Variants in RNF38 observed in about 807,000 individuals in gnomAD.
The protein encoded by RNF38 is E3 ubiquitin-protein ligase RNF38.
In RNF38, 15 loss-of-function variants were observed where a neutral mutation model predicts 67.2. The ratio of observed to expected loss-of-function variants is 0.22; its 90% CI spans 0.15 to 0.34. The LOEUF (loss-of-function observed/expected upper bound fraction) is 0.34. Among genes scored for constraint, RNF38 ranks in the 10% least tolerant of loss-of-function variants. The probability of loss-of-function intolerance (pLI) is 1.00; values close to 1 mark genes in which losing one functional copy is unlikely to be tolerated. For synonymous variants in RNF38, 220 were observed against 218.8 expected (o/e 1.01, Z -0.05); for missense variants, 524 against 639.9 (o/e 0.82, Z 1.95).
At position 36,424,556 on chromosome 9, in the gene RNF38, C is replaced by T. The variant is rs1838721489; in HGVS notation, n.312+57G>A. The T allele has an allele frequency of 4.0e-6, 3 of 751,022 alleles. No homozygotes were observed. In the South Asian group the frequency reaches 1.8e-4, roughly 45 times the overall value. 46.5% of individuals were successfully genotyped at this position (751,022 alleles called of 1,614,324 possible). On this transcript the variant is annotated intron_variant and non_coding_transcript_variant, in intron 2 of 3. Coordinates refer to the RNF38 transcript ENST00000488058. ...AGGCCCAGAGTTACGCAAGAGAATC[C>T]AGCAACGTAAGGTTGGCATGCATTT...
At chr9:36,348,295 T>C (rs531090459) in intron 9 of RNF38, among the ~76,000 whole-genome samples, 4 of 150,376 alleles carry the variant, frequency 2.7e-5, no homozygotes, top group African/African-American at 4.9e-5. Flanking sequence ...ACCTTATCTC[T>C]GAAAGAAAAA....
chr9:36,395,126 GCATCAA>G (rs1837419305), intron 1 of RNF38, among the ~76,000 whole-genome samples: 1 of 152,148 alleles, frequency 6.6e-6, no homozygotes, highest in South Asian at 2.1e-4. Context: ...AACCTTTTAA[GCATCAA>G]CACTACTATT....
chr9:36,426,594 T>C (rs1838777607), intron 1 of RNF38, among the ~76,000 whole-genome samples: 1 of 152,248 alleles, frequency 6.6e-6, no homozygotes, highest in South Asian at 2.1e-4. Context: ...TTGACATCCA[T>C]TTATAAGTTT....
At chr9:36,391,299 T>C (rs1837062253) in intron 1 of RNF38, among the ~76,000 whole-genome samples, 1 of 152,132 alleles carries the variant, frequency 6.6e-6, no homozygotes. Flanking sequence ...CCCAGTTATC[T>C]ACAAAAATTA....
upstream of RNF38, chr9:36,487,601 C>CGGCGCGGCA (rs1284090701): frequency 3.1e-6 from 3 of 980,148 alleles, no homozygotes; most frequent in African/African-American, 1.8e-5. Flanking sequence ...GACTCGACTC[C>CGGCGCGGCA]GGCGCGGCAG....
At chr9:36,431,079 A>C (rs1458076346) in intron 1 of RNF38, among the ~76,000 whole-genome samples, 1 of 152,198 alleles carries the variant, frequency 6.6e-6, no homozygotes, top group African/African-American at 2.4e-5. Flanking sequence ...TCCTCAGGCT[A>C]ACCACAACTT....
intron 2 of RNF38, among the ~76,000 whole-genome samples, chr9:36,381,383 ACACCTCATTTTATCTCT>A (rs1325043640): frequency 2.6e-5 from 4 of 152,296 alleles, no homozygotes; most frequent in Admixed American, 2.6e-4. Flanking sequence ...AAGACTAGAT[ACACCTCATTTTATCTCT>A]CCATCCCCTG....
intron 2 of RNF38, among the ~76,000 whole-genome samples, chr9:36,417,975 T>C (rs1299943094): frequency 6.6e-6 from 1 of 152,106 alleles, no homozygotes; most frequent in Admixed American, 6.5e-5. Flanking sequence ...CTGTTAATAC[T>C]GAAATTCCAA....
At chr9:36,397,756 A>G (rs1837647669) in intron 1 of RNF38, among the ~76,000 whole-genome samples, 1 of 152,054 alleles carries the variant, frequency 6.6e-6, no homozygotes, top group Non-Finnish European at 1.5e-5. Flanking sequence ...GGTAGGAAAA[A>G]TAAGAGTTAC....
At chr9:36,473,080 C>CA (rs1228433471) in intron 1 of RNF38, among the ~76,000 whole-genome samples, 1 of 151,330 alleles carries the variant, frequency 6.6e-6, no homozygotes, top group East Asian at 2.0e-4. Context: ...TGCAGTGAGC[C>CA]AAGATCACGC....
chr9:36,388,816 C>T (rs1836843088), intron 2 of RNF38, among the ~76,000 whole-genome samples: 1 of 152,034 alleles, frequency 6.6e-6, no homozygotes, highest in South Asian at 2.1e-4. Context: ...AGAGAAGGTA[C>T]TTGAGGAGAA....
At chr9:36,416,742 A>AT (rs386414907) in intron 2 of RNF38, among the ~76,000 whole-genome samples, 2,880 of 63,374 alleles carry the variant, frequency 0.045, 758 homozygotes, top group Middle Eastern at 0.098. Context: ...CTGCCTCGAT[A>AT]TTTTTTTTTT....
chr9:36,426,478 C>CA (rs1448322004), intron 1 of RNF38, among the ~76,000 whole-genome samples: 2 of 152,196 alleles, frequency 1.3e-5, no homozygotes, highest in Non-Finnish European at 2.9e-5. Context: ...GGTTCATCCA[C>CA]ACTGAACCGC....
rs1051429349 is a variant in RNF38, at chr9:36,400,175, A to G, written c.-67T>C. On this transcript the variant is annotated 5_prime_UTR_variant, in exon 1 of 12. Coordinates refer to ENST00000259605, the MANE Select transcript of RNF38 (RefSeq NM_022781.5). The stretch of plus-strand genomic sequence containing the variant: ...AACCTGAAACACTCCCGTTTCAAAA[A>G]CCAACCTCTCTCACGCTTCAACCCT... 1 of 1,595,998 alleles carries G rather than the reference A, an allele frequency of 6.3e-7. No homozygotes were observed. Among genetic ancestry groups the G allele is most frequent in the African/African-American group, 1.4e-5 (1 of 73,958 alleles).
Position 36,390,553 on chromosome 9 carries a change from C to T in RNF38, c.76G>A (p.Val26Met). 2 of 1,614,048 alleles carry T rather than the reference C, an allele frequency of 1.2e-6. No homozygotes were observed. Among genetic ancestry groups the T allele is most frequent in the Non-Finnish European group, 1.7e-6 (2 of 1,179,966 alleles). ...GHPNKVICERVRLQSLFPLLP... is the reference protein window; with the variant it reads ...GHPNKVICERMRLQSLFPLLP... ...AGAGGGAACAGGCTCTGAAGTCTCA[C>T]CCTTTCACAAATCACCTTGTTAGGA... Residue 26 changes from valine (V) to methionine (M), a missense_variant, in exon 2 of 12, where the codon GTG (valine) becomes ATG (methionine). This residue lies in a region of RNF38 where 461 missense variants were observed against 517.4 expected (regional missense o/e 0.89). Coordinates refer to ENST00000259605, the MANE Select transcript of RNF38 (RefSeq NM_022781.5).
At position 36,336,721 on chromosome 9, in the gene RNF38, A is replaced by G. The variant is rs2133262297; in HGVS notation, c.*3031T>C. The G allele has an allele frequency of 6.5e-6, 1 of 152,750 alleles. No individual in the cohort carries two copies. The highest frequency in any genetic ancestry group is 6.5e-5 in the Admixed American group (1 of 15,286). The allele number at this position is 152,750 out of a possible 1,614,324, so 9.5% of individuals were successfully genotyped here. On this transcript the variant is annotated 3_prime_UTR_variant, in exon 12 of 12. Transcript: ENST00000259605. ...CAAAATGAGGTAACCAAATGTACCA[A>G]CAGGGGGACAAACAAACAGCTTTCT...
intron 2 of RNF38, among the ~76,000 whole-genome samples, chr9:36,377,369 T>TAGA (rs1383102379): frequency 6.6e-6 from 1 of 152,212 alleles, no homozygotes; most frequent in Non-Finnish European, 1.5e-5. Flanking sequence ...AAATTAGTGT[T>TAGA]AGATTTTAAA....
At chr9:36,400,420 C>T, upstream of RNF38, 1 of 1,114,440 alleles carries the variant, frequency 9.0e-7, no homozygotes, top group Non-Finnish European at 1.1e-6. Flanking sequence ...GCCTCCTCGC[C>T]ACCGCGGGAA....
At chr9:36,361,178 A>C (rs186839825) in intron 4 of RNF38, among the ~76,000 whole-genome samples, 3 of 151,980 alleles carry the variant, frequency 2.0e-5, no homozygotes, top group Non-Finnish European at 2.9e-5. Context: ...CCCCATACTA[A>C]GAAAAATACT....
Sources: allele counts gnomAD v4.1 joint callset (sites outside exome capture counted in the v4.1 genomes callset), GRCh38; gene constraint gnomAD v4.1.1; regional missense constraint gnomAD v4.1.1; transcripts MANE v1.5; gene names NCBI Gene and HGNC (gene_info 2026-07-23, HGNC 2026-07-21).